Variants in CCDC73 observed in about 807,000 individuals in gnomAD.
The protein encoded by CCDC73 is coiled-coil domain-containing protein 73.
In CCDC73, 95 loss-of-function variants were observed where a neutral mutation model predicts 116.5. The ratio of observed to expected loss-of-function variants is 0.82; its 90% CI spans 0.69 to 0.97. The LOEUF is 0.97. Among genes scored for constraint, CCDC73 ranks in the 50% least tolerant of loss-of-function variants. The pLI is 0.00. For synonymous variants in CCDC73, 398 were observed against 401.3 expected (o/e 0.99, Z 0.10); for missense variants, 1,066 against 1,206.8 (o/e 0.88, Z 1.73).
chr11:32,660,466 A>G (rs1367522724), intron 9 of CCDC73, among the ~76,000 whole-genome samples: 1 of 151,956 alleles, frequency 6.6e-6, no homozygotes, highest in African/African-American at 2.4e-5. Context: ...CATACATTTT[A>G]TAATTTTATA....
chr11:32,817,028 G>T, the CCDC73 span, among the ~76,000 whole-genome samples: 1 of 152,070 alleles, frequency 6.6e-6, no homozygotes, highest in South Asian at 2.1e-4. Flanking sequence ...CAAGTGATCC[G>T]CCTGCCTCTG....
At chr11:32,666,111 C>T (rs1036174168) in intron 9 of CCDC73, among the ~76,000 whole-genome samples, 5 of 152,260 alleles carry the variant, frequency 3.3e-5, no homozygotes, top group African/African-American at 4.8e-5. Context: ...TTCATTTCAA[C>T]TTTGGTGAAT....
chr11:32,710,857 G>A (rs1411944380), intron 3 of CCDC73, among the ~76,000 whole-genome samples: 1 of 152,122 alleles, frequency 6.6e-6, no homozygotes. Context: ...CAACAAAAAT[G>A]AAGATGAATA....
intron 1 of CCDC73, among the ~76,000 whole-genome samples, chr11:32,766,105 C>A (rs1167742737): frequency 1.3e-5 from 2 of 152,150 alleles, no homozygotes; most frequent in Non-Finnish European, 2.9e-5. Flanking sequence ...AAAACTTATC[C>A]ACCATGATCA....
At chr11:32,716,735 T>C (rs1477958699) in intron 3 of CCDC73, among the ~76,000 whole-genome samples, 3 of 152,108 alleles carry the variant, frequency 2.0e-5, no homozygotes, top group Non-Finnish European at 2.9e-5. Flanking sequence ...CTAATATATG[T>C]ATTTTTTAAT....
At chr11:32,726,010 G>A (rs770182283) in intron 2 of CCDC73, among the ~76,000 whole-genome samples, 4 of 152,152 alleles carry the variant, frequency 2.6e-5, no homozygotes, top group Admixed American at 6.5e-5. Context: ...TCACAAAGAC[G>A]AAAACAGCTT....
chr11:32,685,226 G>C (rs1194610958), intron 6 of CCDC73, among the ~76,000 whole-genome samples: 3 of 124,166 alleles, frequency 2.4e-5, no homozygotes, highest in African/African-American at 9.2e-5. Context: ...CTTATTGTAA[G>C]TAAAGCATTG....
the CCDC73 span, among the ~76,000 whole-genome samples, chr11:32,822,259 T>C: frequency 6.6e-6 from 1 of 152,232 alleles, no homozygotes; most frequent in Admixed American, 6.5e-5. Flanking sequence ...CATAAATTGA[T>C]GTTTACTAAC....
chr11:32,656,347 G>A (rs1479321919), intron 9 of CCDC73, among the ~76,000 whole-genome samples: 3 of 152,098 alleles, frequency 2.0e-5, no homozygotes, highest in Non-Finnish European at 4.4e-5. Flanking sequence ...CCAAAGTGCT[G>A]GGATTACAGG....
At chr11:32,709,214 T>TA (rs1293143555) in intron 3 of CCDC73, among the ~76,000 whole-genome samples, 5 of 152,252 alleles carry the variant, frequency 3.3e-5, no homozygotes, top group Non-Finnish European at 5.9e-5. Context: ...TTTATTGACT[T>TA]ACGTCTGTTA....
chr11:32,825,577 C>T, the CCDC73 span, among the ~76,000 whole-genome samples: 4 of 152,188 alleles, frequency 2.6e-5, no homozygotes, highest in Non-Finnish European at 5.9e-5. Context: ...GCTGGGATTA[C>T]AGGCGTGAGC....
the CCDC73 span, among the ~76,000 whole-genome samples, chr11:32,808,814 A>T: frequency 6.6e-6 from 1 of 152,244 alleles, no homozygotes; most frequent in African/African-American, 2.4e-5. Context: ...TTAATTGTTT[A>T]ATGCCAAATA....
intron 1 of CCDC73, among the ~76,000 whole-genome samples, chr11:32,768,955 C>A (rs1850469307): frequency 6.6e-6 from 1 of 152,160 alleles, no homozygotes; most frequent in Non-Finnish European, 1.5e-5. Flanking sequence ...GGCCAATACA[C>A]CCAGGAAAAG....
rs115147924 is a variant in CCDC73, at chr11:32,741,172, T to C, written c.135+18937A>G. Among the ~76,000 whole-genome samples the C allele has an allele frequency of 6.8e-3, 1,031 of 152,052 alleles. 14 individuals carry two copies. Among genetic ancestry groups the C allele is most frequent in the African/African-American group, 0.024 (991 of 41,578 alleles). The stretch of plus-strand genomic sequence containing the variant: ...GCTATTGGATGAAATGTTCTATAAG[T>C]ACCTATTAGGTTCACTTGGTCTACA... On this transcript the variant is annotated intron_variant, in intron 2 of 17. Coordinates refer to ENST00000335185, the MANE Select transcript of CCDC73 (RefSeq NM_001008391.4).
At chr11:32,778,802 A>G (rs1850558372) in intron 1 of CCDC73, among the ~76,000 whole-genome samples, 1 of 152,136 alleles carries the variant, frequency 6.6e-6, no homozygotes, top group South Asian at 2.1e-4. Context: ...TTCCTCTCAA[A>G]AGAAAAAAAA....
intron 2 of CCDC73, among the ~76,000 whole-genome samples, chr11:32,732,275 A>C (rs1418423772): frequency 1.3e-5 from 2 of 152,218 alleles, no homozygotes; most frequent in Non-Finnish European, 1.5e-5. Flanking sequence ...ACGTGAAAAG[A>C]CCAAATTTAC....
At chr11:32,732,411 C>T (rs1590619164) in intron 2 of CCDC73, among the ~76,000 whole-genome samples, 1 of 152,064 alleles carries the variant, frequency 6.6e-6, no homozygotes, top group African/African-American at 2.4e-5. Flanking sequence ...TCAGGAAATA[C>T]AGAGAACACC....
intron 9 of CCDC73, among the ~76,000 whole-genome samples, chr11:32,666,537 G>A (rs1041999691): frequency 2.0e-5 from 3 of 152,138 alleles, no homozygotes; most frequent in Non-Finnish European, 4.4e-5. Context: ...TTTCTAAACT[G>A]GTTATTCTAG....
chr11:32,635,337 G>A (rs1278407285), intron 14 of CCDC73, among the ~76,000 whole-genome samples: 1 of 152,140 alleles, frequency 6.6e-6, no homozygotes, highest in African/African-American at 2.4e-5. Flanking sequence ...AATAAAGACA[G>A]TGTTGTACTG....
Sources: gnomAD v4.1 joint callset for allele counts (sites outside exome capture counted in the v4.1 genomes callset) on GRCh38, gnomAD v4.1.1 for gene constraint, MANE v1.5 for transcripts, NCBI Gene and HGNC (gene_info 2026-07-23, HGNC 2026-07-21) for gene names.